The following FHIT variants were observed in gnomAD, a reference collection of about 807,000 sequenced individuals.
FHIT encodes the protein fragile histidine triad diadenosine triphosphatase.
FHIT carries 19 observed loss-of-function variants against 17.9 expected under a neutral mutation model. The ratio of observed to expected loss-of-function variants is 1.06; its 90% CI spans 0.74 to 1.56. The LOEUF (loss-of-function observed/expected upper bound fraction) is 1.56, where lower values mean the gene tolerates loss of function less well. Ranked by LOEUF, FHIT falls within the 40% of genes most tolerant of loss-of-function variation. The probability of loss-of-function intolerance (pLI) is 0.00; values close to 1 mark genes in which losing one functional copy is unlikely to be tolerated. For missense variants in FHIT, 248 were observed against 189.2 expected, an observed-to-expected ratio of 1.31 and a Z score of -1.82; for synonymous variants, 81 against 69.7, an observed-to-expected ratio of 1.16 and a Z score of -0.81.
At chr3:61,112,947 T>C (rs2036201905) in intron 2 of FHIT, among the ~76,000 whole-genome samples, 1 of 152,166 alleles carries the variant, frequency 6.6e-6, no homozygotes, top group Non-Finnish European at 1.5e-5. Context: ...TGGAACAAGA[T>C]GGCTGTGTTT....
At chr3:60,533,330 C>T (rs1426914600) in intron 5 of FHIT, among the ~76,000 whole-genome samples, 1 of 152,182 alleles carries the variant, frequency 6.6e-6, no homozygotes, top group Non-Finnish European at 1.5e-5. Flanking sequence ...AATGCATATA[C>T]TCCTGATGTT....
intron 8 of FHIT, among the ~76,000 whole-genome samples, chr3:59,798,499 T>G (rs1699868415): frequency 1.3e-5 from 2 of 152,190 alleles, no homozygotes; most frequent in Non-Finnish European, 2.9e-5. Flanking sequence ...CTACAACTCT[T>G]CATAATCAGA....
At chr3:60,370,074 G>C (rs888335955) in intron 5 of FHIT, among the ~76,000 whole-genome samples, 2 of 152,158 alleles carry the variant, frequency 1.3e-5, no homozygotes, top group Non-Finnish European at 2.9e-5. Context: ...GCCTATGTCC[G>C]AGAGCTTTGA....
chr3:60,469,692 G>C (rs1274578999), intron 5 of FHIT, among the ~76,000 whole-genome samples: 1 of 152,006 alleles, frequency 6.6e-6, no homozygotes, highest in East Asian at 1.9e-4. Flanking sequence ...TTTCTGGAAG[G>C]TCTTGATGCT....
intron 7 of FHIT, among the ~76,000 whole-genome samples, chr3:59,934,213 A>T (rs1380356335): frequency 6.6e-6 from 1 of 152,186 alleles, no homozygotes; most frequent in Non-Finnish European, 1.5e-5. Flanking sequence ...TGATAGATAT[A>T]ATCCAAATTA....
intron 8 of FHIT, among the ~76,000 whole-genome samples, chr3:59,836,086 G>A (rs1701328933): frequency 6.6e-6 from 1 of 152,126 alleles, no homozygotes; most frequent in Non-Finnish European, 1.5e-5. Flanking sequence ...GCATGCCCAA[G>A]ATGGAGTCCT....
At chr3:61,130,747 T>C (rs1302220758) in intron 2 of FHIT, among the ~76,000 whole-genome samples, 5 of 152,128 alleles carry the variant, frequency 3.3e-5, no homozygotes, top group African/African-American at 1.2e-4. Context: ...GCTGAGGCTA[T>C]ATAAAAATCT....
At chr3:60,505,785 G>A (rs1418128717) in intron 5 of FHIT, among the ~76,000 whole-genome samples, 1 of 152,130 alleles carries the variant, frequency 6.6e-6, no homozygotes, top group Non-Finnish European at 1.5e-5. Context: ...TATCCCATTG[G>A]CATCCATTGG....
At position 60,990,430 on chromosome 3, in the gene FHIT, T is replaced by C. The variant is rs144888719; in HGVS notation, c.-111+51617A>G. Among the ~76,000 whole-genome samples, 84 of 152,260 alleles carry C rather than the reference T, an allele frequency of 5.5e-4. No homozygotes were observed. In the East Asian group the frequency reaches 0.016, roughly 28 times the overall value. ...GATTCCTGGGCTTGTCATGTTAGAA[T>C]GGGGTGGCGATGATAAAAGAGCATC... On this transcript the variant is annotated intron_variant, in intron 3 of 9. Transcript: ENST00000492590.
intron 5 of FHIT, among the ~76,000 whole-genome samples, chr3:60,465,311 A>T (rs1407390153): frequency 6.6e-6 from 1 of 152,058 alleles, no homozygotes; most frequent in Non-Finnish European, 1.5e-5. Flanking sequence ...ATTTTCTCCC[A>T]TTCTGTGAGT....
intron 8 of FHIT, among the ~76,000 whole-genome samples, chr3:59,875,604 A>T (rs1703116948): frequency 6.6e-6 from 1 of 152,144 alleles, no homozygotes; most frequent in African/African-American, 2.4e-5. Context: ...CTTTGCTTAC[A>T]AGTTTTTTTT....
At chr3:60,441,437 G>A (rs1328614120) in intron 5 of FHIT, among the ~76,000 whole-genome samples, 1 of 151,528 alleles carries the variant, frequency 6.6e-6, no homozygotes, top group African/African-American at 2.4e-5. Context: ...TAAATAGTGG[G>A]CTGAAGAAAA....
chr3:60,309,074 ATTGACAGTTGT>A (rs746968333), intron 5 of FHIT, among the ~76,000 whole-genome samples: 1 of 152,118 alleles, frequency 6.6e-6, no homozygotes, highest in Non-Finnish European at 1.5e-5. Flanking sequence ...TAGAGTGATA[ATTGACAGTTGT>A]TTCCCTTTCT....
intron 8 of FHIT, among the ~76,000 whole-genome samples, chr3:59,810,999 A>C (rs1423841888): frequency 1.3e-5 from 2 of 152,254 alleles, no homozygotes; most frequent in African/African-American, 2.4e-5. Context: ...CTCTCAAGCC[A>C]GTGTGATTTA....
chr3:61,185,182 G>C (rs1291734690), intron 2 of FHIT, among the ~76,000 whole-genome samples: 1 of 152,170 alleles, frequency 6.6e-6, no homozygotes, highest in Non-Finnish European at 1.5e-5. Context: ...TCATTCTGGA[G>C]TAGGGTTAAG....
intron 5 of FHIT, among the ~76,000 whole-genome samples, chr3:60,407,143 GCTAA>G (rs1382579804): frequency 4.7e-5 from 6 of 126,730 alleles, no homozygotes; most frequent in Non-Finnish European, 9.4e-5. Context: ...TCAAGGCAAT[GCTAA>G]CTGTTACTGG....
chr3:60,400,544 G>A (rs1390744295), intron 5 of FHIT, among the ~76,000 whole-genome samples: 1 of 152,108 alleles, frequency 6.6e-6, no homozygotes, highest in Non-Finnish European at 1.5e-5. Flanking sequence ...GGCTTGTAGG[G>A]ATATGTAAGA....
chr3:60,767,179 A>T (rs1447249651), intron 4 of FHIT, among the ~76,000 whole-genome samples: 2 of 152,208 alleles, frequency 1.3e-5, no homozygotes, highest in Non-Finnish European at 2.9e-5. Flanking sequence ...ATAAGAAATA[A>T]TGATAGCATT....
chr3:61,248,447 C>G (rs1319176937), intron 1 of FHIT, among the ~76,000 whole-genome samples: 1 of 152,150 alleles, frequency 6.6e-6, no homozygotes, highest in Non-Finnish European at 1.5e-5. Flanking sequence ...GAGTTACCTG[C>G]CTTATTATCT....
Sources: allele counts gnomAD v4.1 joint callset (sites outside exome capture counted in the v4.1 genomes callset), GRCh38; gene constraint gnomAD v4.1.1; transcripts MANE v1.5; gene names NCBI Gene and HGNC (gene_info 2026-07-23, HGNC 2026-07-21).